Variants in FAT4 observed in about 807,000 individuals in gnomAD.
FAT4 encodes FAT atypical cadherin 4.
A neutral mutation model predicts 303.9 loss-of-function variants in FAT4; 84 were observed. The ratio of observed to expected loss-of-function variants is 0.28; its 90% CI spans 0.23 to 0.33. The LOEUF is 0.33. Ranked by LOEUF, FAT4 falls within the 10% of genes least tolerant of loss-of-function variation. FAT4 has a pLI of 1.00. For missense variants in FAT4, 6,005 were observed against 6,146.8 expected, an observed-to-expected ratio of 0.98 and a Z score of 0.77; for synonymous variants, 2,307 against 2,298.8, an observed-to-expected ratio of 1.00 and a Z score of -0.10.
intron 10 of FAT4, among the ~76,000 whole-genome samples, chr4:125,460,422 C>G (rs1578671583): frequency 6.6e-6 from 1 of 151,852 alleles, no homozygotes; most frequent in Non-Finnish European, 1.5e-5. Flanking sequence ...TTTCCTGCTC[C>G]CCTCCCTCCT....
chr4:125,333,144 A>C (rs1731448830), intron 2 of FAT4, among the ~76,000 whole-genome samples: 1 of 152,046 alleles, frequency 6.6e-6, no homozygotes, highest in Non-Finnish European at 1.5e-5. Context: ...ATTAGCATAC[A>C]GATATATGTA....
At chr4:125,428,890 C>G (rs1347236073) in intron 7 of FAT4, among the ~76,000 whole-genome samples, 1 of 152,166 alleles carries the variant, frequency 6.6e-6, no homozygotes, top group Non-Finnish European at 1.5e-5. Context: ...CTTTCATTGG[C>G]TCACTGTCCT....
chr4:125,316,912 C>T lies in FAT4; in HGVS notation c.501C>T (p.Asn167=). ...DTATDSDIGS[N]GVDHRSYRII... ...CCACCGACTCGGACATCGGCTCAAA[C>T]GGTGTGGACCACCGCTCCTACCGCA... The change falls in exon 2 of 18, where the codon AAC becomes AAT. Residue 167 remains asparagine, a synonymous_variant. Coordinates refer to ENST00000394329, the MANE Select transcript of FAT4 (RefSeq NM_001291303.3). This position sits in a 1 kb window ranked among gnomAD's most constrained non-coding sequence, Gnocchi z 5.7. 1.2e-6 allele frequency: 2 copies of T among 1,613,952 alleles called. No individual in the cohort carries two copies. Among genetic ancestry groups the T allele is most frequent in the Non-Finnish European group, 1.7e-6 (2 of 1,180,016 alleles).
chr4:125,402,409 G>A (rs927375525), intron 3 of FAT4, among the ~76,000 whole-genome samples: 1 of 151,958 alleles, frequency 6.6e-6, no homozygotes, highest in Non-Finnish European at 1.5e-5. Context: ...GTGGTCAGAT[G>A]AGAATTCTCA....
chr4:125,456,591 T>C (rs570151644), intron 10 of FAT4, among the ~76,000 whole-genome samples: 1 of 152,302 alleles, frequency 6.6e-6, no homozygotes, highest in South Asian at 2.1e-4. Context: ...GCATAGTGAG[T>C]GGCAAATGTT....
intron 2 of FAT4, among the ~76,000 whole-genome samples, chr4:125,367,902 C>A (rs1267373699): frequency 1.3e-5 from 2 of 152,082 alleles, no homozygotes; most frequent in Non-Finnish European, 2.9e-5. Context: ...TGTGGAAGTT[C>A]TACTCTGACT....
Position 125,349,872 on chromosome 4 carries a change from T to C in FAT4, c.5175+28286T>C, listed in dbSNP as rs560044537. Reference sequence around the variant, plus strand: ...ATTGACTAAAATCCTGAAAAAACAATTCAGAGTGCTTCAGTTGGGCCCTAA... The same window carrying C: ...ATTGACTAAAATCCTGAAAAAACAACTCAGAGTGCTTCAGTTGGGCCCTAA... On this transcript the variant is annotated intron_variant, in intron 2 of 17. Transcript: ENST00000394329. 5.9e-5 allele frequency among the ~76,000 whole-genome samples: 9 copies of C among 151,738 alleles called. No homozygotes were observed. In the South Asian group the frequency reaches 8.3e-4, roughly 14 times the overall value.
At chr4:125,384,472 A>G (rs961405452) in intron 2 of FAT4, among the ~76,000 whole-genome samples, 1 of 152,126 alleles carries the variant, frequency 6.6e-6, no homozygotes, top group Non-Finnish European at 1.5e-5. Flanking sequence ...GGAGGATTGT[A>G]TATTCAAATT....
chr4:125,346,752 G>A (rs1732018681), intron 2 of FAT4, among the ~76,000 whole-genome samples: 1 of 151,914 alleles, frequency 6.6e-6, no homozygotes. Flanking sequence ...ACTAACTCTG[G>A]CCTGCTCGCA....
chr4:125,449,559 A>G lies in FAT4; in HGVS notation c.8549A>G (p.His2850Arg), dbSNP rs977069839. The change falls in exon 10 of 18, where the codon CAT becomes CGT. Residue 2850 changes from histidine (H) to arginine (R), a missense_variant. His to Arg is a conservative substitution (Grantham distance 29, BLOSUM62 0). Coordinates refer to ENST00000394329, the MANE Select transcript of FAT4 (RefSeq NM_001291303.3). ...TDRYRIRVSA[H>R]DSGWTVSTDV... ...CGTTACAGAATTCGAGTTTCCGCAC[A>G]TGATTCTGGGTGGACTGTAAGTACA... The G allele has an allele frequency of 7.4e-5, 119 of 1,613,342 alleles. No individual in the cohort carries two copies. Among genetic ancestry groups the G allele is most frequent in the Non-Finnish European group, 9.7e-5 (114 of 1,179,514 alleles).
intron 2 of FAT4, among the ~76,000 whole-genome samples, chr4:125,369,589 T>C (rs552098321): frequency 6.6e-6 from 1 of 152,350 alleles, no homozygotes; most frequent in African/African-American, 2.4e-5. Context: ...GGCCTTGCCA[T>C]TGAGGTTTTT....
chr4:125,419,211 T>G (rs1347596013), intron 7 of FAT4, among the ~76,000 whole-genome samples: 14 of 152,218 alleles, frequency 9.2e-5, no homozygotes, highest in Admixed American at 9.2e-4. Flanking sequence ...TCAGTCAGCA[T>G]GTTTACTAGA....
chr4:125,384,387 T>A (rs1051415434), intron 2 of FAT4, among the ~76,000 whole-genome samples: 29 of 152,238 alleles, frequency 1.9e-4, no homozygotes, highest in Non-Finnish European at 4.0e-4. Flanking sequence ...ATTGTATTTT[T>A]AATTTTCATA....
At position 125,467,602 on chromosome 4, in the gene FAT4, A is replaced by T. The variant is rs534006519; in HGVS notation, c.11906-910A>T. On this transcript the variant is annotated intron_variant, in intron 11 of 17. Transcript: ENST00000394329. ...TCAGAAAAACAGACAGCTATTTTAA[A>T]GTAGCCTGCTATAAATCATACCCAC... 8.6e-4 allele frequency among the ~76,000 whole-genome samples: 131 copies of T among 152,362 alleles called. 2 individuals carry two copies. Among genetic ancestry groups the T allele is most frequent in the African/African-American group, 3.0e-3 (124 of 41,584 alleles).
Position 125,434,143 on chromosome 4 carries a change from G to A in FAT4, c.7019-102G>A, listed in dbSNP as rs914963955. 5 of 1,070,394 alleles carry A rather than the reference G, an allele frequency of 4.7e-6. No individual in the cohort carries two copies. The African/African-American group carries it at 6.4e-5, about 14-fold the overall frequency. 66.3% of individuals were successfully genotyped at this position (1,070,394 alleles called of 1,614,324 possible). A position where few individuals can be genotyped will look rare whatever the true frequency, so the allele number is the denominator to read the frequency against. On this transcript the variant is annotated intron_variant, in intron 7 of 17. Coordinates refer to ENST00000394329, the MANE Select transcript of FAT4 (RefSeq NM_001291303.3). ...ATGTGTTCAGAAATTTTACTTTGAT[G>A]TTTCCTAAATTCTCTTTAGTAATTC...
In FAT4 at chr4:125,491,076, A is replaced by G; in HGVS notation, c.14260A>G (p.Arg4754Gly). ...IFNYATRLGR[R>G]SKSPQAMASH... ...CAACTATGCCACAAGGCTGGGAAGG[A>G]GAAGCAAGAGTCCTCAGGCCATGGC... The change falls in exon 18 of 18, where the codon AGA (arginine) becomes GGA (glycine). Residue 4754 changes from arginine (R) to glycine (G), a missense_variant. Coordinates refer to ENST00000394329, the MANE Select transcript of FAT4 (RefSeq NM_001291303.3). 1 of 1,614,208 alleles carries G rather than the reference A, an allele frequency of 6.2e-7. No individual in the cohort carries two copies. The highest frequency in any genetic ancestry group is 1.7e-5 in the Admixed American group (1 of 60,034).
intron 2 of FAT4, among the ~76,000 whole-genome samples, chr4:125,379,765 T>C (rs938928089): frequency 1.3e-5 from 2 of 151,770 alleles, no homozygotes; most frequent in East Asian, 1.9e-4. Flanking sequence ...TGGCCAGACA[T>C]TGATATTTAA....
At position 125,463,807 on chromosome 4, in the gene FAT4, T is replaced by A. The variant is rs143267049; in HGVS notation, c.11905+140T>A. On this transcript the variant is annotated intron_variant, in intron 11 of 17. Transcript: ENST00000394329. ...TTTTATTAAAATAAAATCTTAAATG[T>A]TTAACATTTGTAAAAGTTATGGAAA... The A allele has an allele frequency of 4.5e-4, 232 of 513,572 alleles. 2 individuals carry two copies. In the East Asian group the frequency reaches 6.6e-3, roughly 15 times the overall value. The allele number at this position is 513,572 out of a possible 1,614,324, so 31.8% of individuals were successfully genotyped here. A position where few individuals can be genotyped will look rare whatever the true frequency, so the allele number is the denominator to read the frequency against.
intron 2 of FAT4, among the ~76,000 whole-genome samples, chr4:125,336,856 A>G (rs1329627053): frequency 2.0e-5 from 3 of 151,994 alleles, no homozygotes; most frequent in Non-Finnish European, 4.4e-5. Context: ...GCAGAACTAG[A>G]GTGATAGGCG....
Sources: allele counts gnomAD v4.1 joint callset (sites outside exome capture counted in the v4.1 genomes callset), GRCh38; gene constraint gnomAD v4.1.1; non-coding constraint Gnocchi (gnomAD v3.1); transcripts MANE v1.5; gene names NCBI Gene and HGNC (gene_info 2026-07-23, HGNC 2026-07-21).